KCNIP1: variants seen among roughly 807,000 people sequenced by gnomAD.
The protein encoded by KCNIP1 is potassium voltage-gated channel interacting protein 1.
In KCNIP1, 18 loss-of-function variants were observed where a neutral mutation model predicts 33.0. That is an observed-to-expected ratio of 0.55 (90% CI 0.38 to 0.81). KCNIP1 has a LOEUF of 0.81. Ranked by LOEUF, KCNIP1 falls within the 30% of genes least tolerant of loss-of-function variation. The pLI, the probability that KCNIP1 is intolerant of heterozygous loss-of-function variation, is 0.00. For synonymous variants in KCNIP1, 93 were observed against 98.3 expected, an observed-to-expected ratio of 0.95 and a Z score of 0.32; for missense variants, 238 against 271.6, an observed-to-expected ratio of 0.88 and a Z score of 0.87.
chr5:170,532,255 A>G (rs553045482), intron 1 of KCNIP1, among the ~76,000 whole-genome samples: 100 of 152,278 alleles, frequency 6.6e-4, no homozygotes, highest in South Asian at 3.1e-3. Context: ...CTTTAATTTC[A>G]ACTTCAAGTC....
intron 1 of KCNIP1, among the ~76,000 whole-genome samples, chr5:170,630,794 A>T (rs1307089998): frequency 3.3e-5 from 5 of 152,152 alleles, no homozygotes; most frequent in Non-Finnish European, 7.4e-5. Flanking sequence ...AGATTGCATG[A>T]CTGTGTCTTG....
At chr5:170,524,130 A>G (rs1755483059) in intron 1 of KCNIP1, among the ~76,000 whole-genome samples, 1 of 151,978 alleles carries the variant, frequency 6.6e-6, no homozygotes, top group Non-Finnish European at 1.5e-5. Context: ...TCCAGATCCA[A>G]TGTCTTCCAG....
intron 1 of KCNIP1, among the ~76,000 whole-genome samples, chr5:170,524,326 C>T (rs538104126): frequency 6.6e-6 from 1 of 152,276 alleles, no homozygotes; most frequent in African/African-American, 2.4e-5. Flanking sequence ...TCCCAGTTGT[C>T]CAATGTGGCT....
chr5:170,640,760 G>A (rs967574252), intron 1 of KCNIP1, among the ~76,000 whole-genome samples: 2 of 152,144 alleles, frequency 1.3e-5, no homozygotes, highest in African/African-American at 2.4e-5. Flanking sequence ...GCCCTTGCCC[G>A]AGTCCCCAAC....
chr5:170,517,654 G>A (rs1449365661), intron 1 of KCNIP1, among the ~76,000 whole-genome samples: 2 of 126,206 alleles, frequency 1.6e-5, no homozygotes, highest in Non-Finnish European at 3.5e-5. Flanking sequence ...GACAGCGATG[G>A]TGGTATGGTG....
At chr5:170,535,048 G>C (rs1232204220) in intron 1 of KCNIP1, among the ~76,000 whole-genome samples, 1 of 152,148 alleles carries the variant, frequency 6.6e-6, no homozygotes, top group African/African-American at 2.4e-5. Context: ...CATGGCTGCA[G>C]ACCCTATTGT....
At chr5:170,462,341 A>G (rs1383160267) in intron 1 of KCNIP1, among the ~76,000 whole-genome samples, 1 of 152,036 alleles carries the variant, frequency 6.6e-6, no homozygotes, top group African/African-American at 2.4e-5. Flanking sequence ...CAATTCTCAA[A>G]AGAAGATATA....
intron 1 of KCNIP1, among the ~76,000 whole-genome samples, chr5:170,624,512 T>C (rs1013971689): frequency 6.6e-6 from 1 of 152,054 alleles, no homozygotes; most frequent in Non-Finnish European, 1.5e-5. Context: ...TTACAACATC[T>C]CTGGCTATTC....
chr5:170,536,454 G>T (rs565248356), intron 1 of KCNIP1, among the ~76,000 whole-genome samples: 1 of 152,282 alleles, frequency 6.6e-6, no homozygotes, highest in South Asian at 2.1e-4. Flanking sequence ...ACCATTTTCT[G>T]CCCAGGCTGT....
intron 1 of KCNIP1, chr5:170,378,529 A>G: frequency 1.3e-6 from 1 of 747,076 alleles, no homozygotes; most frequent in Non-Finnish European, 2.2e-6. Context: ...TGAGCAGGCA[A>G]TGACTTCACA....
At chr5:170,442,586 C>T (rs1397533804) in intron 1 of KCNIP1, among the ~76,000 whole-genome samples, 1 of 152,114 alleles carries the variant, frequency 6.6e-6, no homozygotes, top group Non-Finnish European at 1.5e-5. Context: ...CTGGGGACCA[C>T]GCAGGACTCT....
At chr5:170,652,163 G>A (rs1187347340) in intron 1 of KCNIP1, among the ~76,000 whole-genome samples, 4 of 152,068 alleles carry the variant, frequency 2.6e-5, no homozygotes, top group Non-Finnish European at 5.9e-5. Flanking sequence ...TGTGTTGGGG[G>A]AAAGGAGCTT....
chr5:170,668,786 C>T (rs1451319771), intron 1 of KCNIP1, among the ~76,000 whole-genome samples: 1 of 152,178 alleles, frequency 6.6e-6, no homozygotes, highest in African/African-American at 2.4e-5. Flanking sequence ...TAGCATGCTT[C>T]CTGGAGGTGG....
At chr5:170,378,800 G>A in intron 1 of KCNIP1, 6 of 1,614,214 alleles carry the variant, frequency 3.7e-6, no homozygotes, top group Non-Finnish European at 5.1e-6. Context: ...GCCAGAAGAG[G>A]GAGAAGAGGA....
At chr5:170,379,561 G>A (rs1764152560) in intron 1 of KCNIP1, among the ~76,000 whole-genome samples, 1 of 152,126 alleles carries the variant, frequency 6.6e-6, no homozygotes, top group South Asian at 2.1e-4. Context: ...CCTGTCAATA[G>A]GGAGAGAGCC....
intron 1 of KCNIP1, among the ~76,000 whole-genome samples, chr5:170,579,633 G>T (rs1757722167): frequency 6.6e-6 from 1 of 152,210 alleles, no homozygotes; most frequent in South Asian, 2.1e-4. Context: ...CCTCCCCTAG[G>T]ACTCTGGTCC....
intron 1 of KCNIP1, among the ~76,000 whole-genome samples, chr5:170,677,763 C>T (rs1263128504): frequency 2.0e-5 from 3 of 152,108 alleles, no homozygotes; most frequent in Admixed American, 6.6e-5. Flanking sequence ...ACATCATCCT[C>T]ACCTAGAGAA....
intron 1 of KCNIP1, among the ~76,000 whole-genome samples, chr5:170,416,581 C>G (rs957045116): frequency 2.0e-5 from 3 of 151,954 alleles, no homozygotes; most frequent in African/African-American, 7.3e-5. Context: ...GAAAAAGCTA[C>G]ATTTCTGCAT....
At chr5:170,693,690 G>C (rs1331484838) in intron 1 of KCNIP1, among the ~76,000 whole-genome samples, 2 of 152,162 alleles carry the variant, frequency 1.3e-5, no homozygotes, top group East Asian at 3.8e-4. Context: ...AACTATAAAT[G>C]CTGAAATTTT....
Sources: gnomAD v4.1 joint callset for allele counts (sites outside exome capture counted in the v4.1 genomes callset) on GRCh38, gnomAD v4.1.1 for gene constraint, MANE v1.5 for transcripts, NCBI Gene and HGNC (gene_info 2026-07-23, HGNC 2026-07-21) for gene names.